RANBP1: variants seen among roughly 807,000 people sequenced by gnomAD.
The protein encoded by RANBP1 is ran-specific GTPase-activating protein.
RANBP1 carries 16 observed loss-of-function variants against 31.4 expected under a neutral mutation model. The observed-to-expected ratio is 0.51, with a 90% CI of 0.34 to 0.77. The LOEUF (loss-of-function observed/expected upper bound fraction) is 0.77. Ranked by LOEUF, RANBP1 falls within the 30% of genes least tolerant of loss-of-function variation. The pLI is 0.01. For synonymous variants in RANBP1, 129 were observed against 140.5 expected (o/e 0.92, Z 0.58); for missense variants, 265 against 362.0 (o/e 0.73, Z 2.17).
intron 3 of RANBP1, chr22:20,122,709 AGGGCGAGG>A (rs1398886997): frequency 8.0e-7 from 1 of 1,256,022 alleles, no homozygotes; most frequent in Admixed American, 2.7e-5. Context: ...TGAGTGCTGC[AGGGCGAGG>A]GGGTGCTGTG....
chr22:20,117,684 G>A lies in RANBP1; in HGVS notation c.246+1254G>A, dbSNP rs2050069241. ...GCCAAGGTGCCGCCGGGCCCAAGCG[G>A]GGACAGGGTGGGCGGGCGGGGCCGG... On this transcript the variant is annotated intron_variant, in intron 1 of 5. Transcript: ENST00000430524. 1.4e-5 allele frequency: 16 copies of A among 1,160,716 alleles called. No individual in the cohort carries two copies. The East Asian group carries it at 6.2e-4, about 45-fold the overall frequency. The allele number at this position is 1,160,716 out of a possible 1,614,324, so 71.9% of individuals were successfully genotyped here. A position where few individuals can be genotyped will look rare whatever the true frequency, so the allele number is the denominator to read the frequency against.
At chr22:20,121,726 T>A (rs965640164) in intron 2 of RANBP1, among the ~76,000 whole-genome samples, 10 of 152,038 alleles carry the variant, frequency 6.6e-5, no homozygotes, top group Non-Finnish European at 1.3e-4. Context: ...TATCTTTTTG[T>A]AGAGATAGTG....
intron 1 of RANBP1, chr22:20,117,827 G>A: frequency 9.8e-7 from 1 of 1,021,614 alleles, no homozygotes; most frequent in Non-Finnish European, 1.2e-6. Flanking sequence ...TGGGGTTTGG[G>A]GGCTCGAGGC....
At chr22:20,118,991 T>C in intron 1 of RANBP1, 22 bp from the exon 2 acceptor site, 1 of 1,609,500 alleles carries the variant, frequency 6.2e-7, no homozygotes, top group Non-Finnish European at 8.5e-7. Flanking sequence ...GCCAGCAGTG[T>C]AACCTCTTTG....
chr22:20,116,785 C>T lies in RANBP1; in HGVS notation c.246+355C>T, dbSNP rs1468457653. ...CCGTCTCCTTTCCTCCCCTATCGCA[C>T]CTGCCTCGTCCCCACCTATTCTCTG... On this transcript the variant is annotated intron_variant, in intron 1 of 5. Coordinates refer to ENST00000430524, the MANE Select transcript of RANBP1 (RefSeq NM_001278639.2). The T allele has an allele frequency of 6.9e-6, 10 of 1,450,658 alleles. No homozygotes were observed. In the East Asian group the frequency reaches 2.5e-4, roughly 37 times the overall value. The allele number at this position is 1,450,658 out of a possible 1,614,324, so 89.9% of individuals were successfully genotyped here.
intron 1 of RANBP1, 130 bp from the exon 2 acceptor site, chr22:20,118,883 T>C: frequency 1.1e-6 from 1 of 898,706 alleles, no homozygotes; most frequent in Non-Finnish European, 1.7e-6. Flanking sequence ...TTTCTTGCTT[T>C]GGGGTTGGGC....
intron 2 of RANBP1, among the ~76,000 whole-genome samples, chr22:20,120,016 G>A (rs2050140392): frequency 6.6e-6 from 1 of 152,212 alleles, no homozygotes; most frequent in African/African-American, 2.4e-5. Flanking sequence ...CTACACTCAG[G>A]ATTGCAACAA....
At chr22:20,118,782 G>T (rs28496942) in intron 1 of RANBP1, among the ~76,000 whole-genome samples, 2,144 of 152,304 alleles carry the variant, frequency 0.014, 41 homozygotes, top group African/African-American at 0.049. Context: ...TGAATCTGGG[G>T]GAGGGGCCCC....
At chr22:20,123,228 G>T (rs1471604162) in intron 3 of RANBP1, among the ~76,000 whole-genome samples, 2 of 135,696 alleles carry the variant, frequency 1.5e-5, no homozygotes, top group Non-Finnish European at 3.3e-5. Flanking sequence ...TGTGGTGTCT[G>T]GGGGGCGGGT....
At chr22:20,119,282 T>A (rs1602534659) in intron 2 of RANBP1, 133 bp downstream of exon 2, 1 of 823,228 alleles carries the variant, frequency 1.2e-6, no homozygotes, top group East Asian at 2.6e-5. Context: ...TGGTGACTAA[T>A]CCCATGTGGA....
chr22:20,122,722 G>GT, intron 3 of RANBP1: 1 of 913,192 alleles, frequency 1.1e-6, no homozygotes, highest in Non-Finnish European at 1.4e-6. Context: ...GCGAGGGGGT[G>GT]CTGTGTGTGT....
In RANBP1 at chr22:20,126,968, T is replaced by A; in HGVS notation, c.753T>A (p.Asn251Lys). Residue 251 changes from asparagine (N) to lysine (K), a missense_variant, in exon 6 of 6, where the codon AAT becomes AAA. Physicochemically the swap from Asn to Lys is moderately conservative, Grantham distance 94. Coordinates refer to ENST00000430524, the MANE Select transcript of RANBP1 (RefSeq NM_001278639.2). Reference protein sequence around the residue: ...EREKKAGSGKNDHAEKVAEKL... With the variant: ...EREKKAGSGKKDHAEKVAEKL... The stretch of plus-strand genomic sequence containing the variant: ...TGTTTTTAGCAGGATCAGGCAAAAA[T>A]GATCATGCCGAAAAAGTGGCGGAAA... 5 of 1,613,196 alleles carry A rather than the reference T, an allele frequency of 3.1e-6. No homozygotes were observed. Among genetic ancestry groups the A allele is most frequent in the Non-Finnish European group, 4.2e-6 (5 of 1,179,668 alleles).
At chr22:20,116,733 C>G in intron 1 of RANBP1, 1 of 1,394,928 alleles carries the variant, frequency 7.2e-7, no homozygotes, top group South Asian at 1.4e-5. Context: ...CCTGCCCCTC[C>G]CCCAGTCTAC....
intron 2 of RANBP1, among the ~76,000 whole-genome samples, chr22:20,121,993 C>T (rs532241146): frequency 1.3e-5 from 2 of 151,898 alleles, no homozygotes; most frequent in South Asian, 2.1e-4. Context: ...CCCGCCTCGG[C>T]CTCCCCGAAT....
chr22:20,123,433 G>C (rs1178519334), intron 3 of RANBP1, among the ~76,000 whole-genome samples: 1 of 70,868 alleles, frequency 1.4e-5, no homozygotes, highest in Non-Finnish European at 3.3e-5. Flanking sequence ...TGTGGTGTTG[G>C]GGGGGGTGTG....
intron 1 of RANBP1, chr22:20,117,374 C>A: frequency 2.5e-6 from 3 of 1,207,836 alleles, no homozygotes; most frequent in Non-Finnish European, 3.1e-6. Flanking sequence ...GCGGGCCGGG[C>A]ATGCGCCGCG....
Position 20,116,255 on chromosome 22 carries a change from C to G in RANBP1, c.71C>G (p.Thr24Arg). ...CCTTTCCAGAGGGCACCATGCAAAA[C>G]GCGCAGGGCCTTGTCCCTCTCTGCA... ...GRPFQRAPCK[T>R]RRALSLSAAL... The change falls in exon 1 of 6, where the codon ACG becomes AGG. Residue 24 changes from threonine to arginine, a missense_variant. Around this residue, in one of 3 missense-constraint regions of RANBP1, gnomAD observed 126 missense variants for 123.6 expected, o/e 1.02. Coordinates refer to ENST00000430524, the MANE Select transcript of RANBP1 (RefSeq NM_001278639.2). 1 of 1,612,978 alleles carries G rather than the reference C, an allele frequency of 6.2e-7. No homozygotes were observed. The highest frequency in any genetic ancestry group is 8.5e-7 in the Non-Finnish European group (1 of 1,180,022).
chr22:20,117,548 G>T, intron 1 of RANBP1: 1 of 1,395,688 alleles, frequency 7.2e-7, no homozygotes. Context: ...GGCGGGAGGC[G>T]CCGGCGCCAG....
intron 3 of RANBP1, 146 bp downstream of exon 3, chr22:20,122,567 A>C (rs773238475): frequency 2.5e-5 from 38 of 1,546,808 alleles, no homozygotes; most frequent in Non-Finnish European, 3.3e-5. Context: ...AAAACCAGAA[A>C]TACGTTTTTC....
Sources: allele counts gnomAD v4.1 joint callset (sites outside exome capture counted in the v4.1 genomes callset), GRCh38; gene constraint gnomAD v4.1.1; regional missense constraint gnomAD v4.1.1; transcripts MANE v1.5; gene names NCBI Gene and HGNC (gene_info 2026-07-23, HGNC 2026-07-21).